The following GALNTL6 variants were observed in gnomAD, a reference collection of about 807,000 sequenced individuals.
The protein encoded by GALNTL6 is polypeptide N-acetylgalactosaminyltransferase-like 6.
A neutral mutation model predicts 73.7 loss-of-function variants in GALNTL6; 46 were observed. That is an observed-to-expected ratio of 0.62 (90% CI 0.49 to 0.80). GALNTL6 has a LOEUF of 0.80. GALNTL6 is among the 30% of genes least tolerant of loss of function. The probability of loss-of-function intolerance (pLI) is 0.00; values close to 1 mark genes in which losing one functional copy is unlikely to be tolerated. For missense variants in GALNTL6, 604 were observed against 755.0 expected (o/e 0.80, Z 2.34); for synonymous variants, 259 against 263.7 (o/e 0.98, Z 0.17).
At chr4:171,876,278 G>A (rs192928237) in intron 2 of GALNTL6, among the ~76,000 whole-genome samples, 149 of 152,128 alleles carry the variant, frequency 9.8e-4, no homozygotes, top group African/African-American at 3.2e-3. Flanking sequence ...AACAAATTGC[G>A]TACCAATTCT....
chr4:171,921,281 G>A (rs1217409502), intron 2 of GALNTL6, among the ~76,000 whole-genome samples: 3 of 151,930 alleles, frequency 2.0e-5, no homozygotes, highest in South Asian at 2.1e-4. Flanking sequence ...ACTATGTGTC[G>A]ACCATGTTTT....
At chr4:172,994,779 C>T (rs761157288) in intron 10 of GALNTL6, among the ~76,000 whole-genome samples, 1 of 152,104 alleles carries the variant, frequency 6.6e-6, no homozygotes, top group African/African-American at 2.4e-5. Flanking sequence ...ACTTGAAAAG[C>T]CCCATGGGTC....
At chr4:172,022,186 TC>T in intron 2 of GALNTL6, among the ~76,000 whole-genome samples, 1 of 152,152 alleles carries the variant, frequency 6.6e-6, no homozygotes, top group South Asian at 2.1e-4. Flanking sequence ...AAGGTACCTA[TC>T]TGACAAGAGA....
At chr4:172,607,852 T>C (rs1738365605) in intron 5 of GALNTL6, among the ~76,000 whole-genome samples, 1 of 152,172 alleles carries the variant, frequency 6.6e-6, no homozygotes, top group Non-Finnish European at 1.5e-5. Context: ...ATTAGTGATG[T>C]TGAGCATTTT....
chr4:172,888,674 T>C (rs1712434449), intron 8 of GALNTL6, among the ~76,000 whole-genome samples: 2 of 152,200 alleles, frequency 1.3e-5, no homozygotes, highest in African/African-American at 2.4e-5. Flanking sequence ...GTAGTACAGT[T>C]TGAATTTAGG....
chr4:172,085,458 C>T (rs143787615), intron 2 of GALNTL6, among the ~76,000 whole-genome samples: 2,276 of 151,932 alleles, frequency 0.015, 54 homozygotes, highest in African/African-American at 0.051. Flanking sequence ...GAGGCCAAGG[C>T]GGGAGGATCA....
rs115772445 is a variant in GALNTL6 at position 172,305,041 on chromosome 4, A to G, written c.248-6573A>G. On this transcript the variant is annotated intron_variant, in intron 3 of 12. Coordinates refer to ENST00000506823, the MANE Select transcript of GALNTL6 (RefSeq NM_001034845.3). ...AATTGCTGGTTTATAAGTTTTCCCT[A>G]TATCTTTTCAATTATAGAATATTTC... Among the ~76,000 whole-genome samples the G allele has an allele frequency of 7.6e-3, 1,154 of 152,218 alleles. 13 individuals carry two copies. The highest frequency in any genetic ancestry group is 0.026 in the African/African-American group (1,088 of 41,518).
At chr4:172,993,743 C>T (rs1408592910) in intron 10 of GALNTL6, among the ~76,000 whole-genome samples, 1 of 152,162 alleles carries the variant, frequency 6.6e-6, no homozygotes, top group African/African-American at 2.4e-5. Flanking sequence ...AATAATCTCA[C>T]TGTCTTCCCA....
intron 5 of GALNTL6, among the ~76,000 whole-genome samples, chr4:172,523,670 T>C (rs1734858381): frequency 6.6e-6 from 1 of 152,160 alleles, no homozygotes; most frequent in African/African-American, 2.4e-5. Context: ...TTGCCTGTTT[T>C]ATTGCATTAT....
intron 10 of GALNTL6, among the ~76,000 whole-genome samples, chr4:172,991,940 C>A (rs1751561049): frequency 6.6e-6 from 1 of 152,024 alleles, no homozygotes; most frequent in South Asian, 2.1e-4. Flanking sequence ...TAATTTTAGC[C>A]AATTTGCTCA....
In GALNTL6 at chr4:172,790,833, A is replaced by G. The variant is rs150005280; in HGVS notation, c.554-18528A>G. 8.1e-4 allele frequency among the ~76,000 whole-genome samples: 116 copies of G among 142,748 alleles called. 1 individual carries two copies. The South Asian group carries it at 0.017, about 21-fold the overall frequency. The allele number at this position is 142,748 out of a possible 152,430, so 93.6% of individuals were successfully genotyped here. A position where few individuals can be genotyped will look rare whatever the true frequency, so the allele number is the denominator to read the frequency against. On this transcript the variant is annotated intron_variant, in intron 5 of 12. Coordinates refer to ENST00000506823, the MANE Select transcript of GALNTL6 (RefSeq NM_001034845.3). ...GCTTGAACTGGGACCTGGGAGGCAG[A>G]GGTTGCAGTGAGCCAAGATCACACT...
At chr4:172,309,350 G>C (rs1740268516) in intron 3 of GALNTL6, among the ~76,000 whole-genome samples, 1 of 151,810 alleles carries the variant, frequency 6.6e-6, no homozygotes, top group Non-Finnish European at 1.5e-5. Flanking sequence ...AATACAAAAT[G>C]AATAACATGT....
At chr4:172,049,504 A>T (rs1730757080) in intron 2 of GALNTL6, among the ~76,000 whole-genome samples, 1 of 152,202 alleles carries the variant, frequency 6.6e-6, no homozygotes, top group Admixed American at 6.5e-5. Context: ...ATTATTAAAT[A>T]GAAAATGTAG....
chr4:172,101,234 C>T (rs1015043557), intron 2 of GALNTL6, among the ~76,000 whole-genome samples: 7 of 152,108 alleles, frequency 4.6e-5, no homozygotes, highest in African/African-American at 1.7e-4. Flanking sequence ...GGTTACCTTC[C>T]TCTAGGATCC....
At chr4:172,277,360 G>A (rs1417017453) in intron 3 of GALNTL6, among the ~76,000 whole-genome samples, 1 of 152,132 alleles carries the variant, frequency 6.6e-6, no homozygotes, top group African/African-American at 2.4e-5. Context: ...TGTGCCCGGA[G>A]CTGTCTTAAC....
At chr4:171,928,009 C>T (rs1382482142) in intron 2 of GALNTL6, among the ~76,000 whole-genome samples, 5 of 152,006 alleles carry the variant, frequency 3.3e-5, no homozygotes, top group African/African-American at 1.2e-4. Flanking sequence ...ATTGTATTCC[C>T]AGTATTAAAA....
At chr4:171,906,800 T>C (rs1237113459) in intron 2 of GALNTL6, among the ~76,000 whole-genome samples, 1 of 152,136 alleles carries the variant, frequency 6.6e-6, no homozygotes, top group African/African-American at 2.4e-5. Flanking sequence ...TCCACCATCA[T>C]CAAGTGGGCT....
At chr4:171,953,225 C>CGTGTGTGT (rs36214606) in intron 2 of GALNTL6, among the ~76,000 whole-genome samples, 1,794 of 147,106 alleles carry the variant, frequency 0.012, 14 homozygotes, top group East Asian at 0.026. Context: ...CGCATGCGCA[C>CGTGTGTGT]GTGTGTGTGT....
At chr4:172,342,272 A>G (rs1355372329) in intron 4 of GALNTL6, among the ~76,000 whole-genome samples, 2 of 151,970 alleles carry the variant, frequency 1.3e-5, no homozygotes, top group African/African-American at 2.4e-5. Flanking sequence ...TAATTAATTT[A>G]ATTAGTATAA....
Sources: gnomAD v4.1 joint callset for allele counts (sites outside exome capture counted in the v4.1 genomes callset) on GRCh38, gnomAD v4.1.1 for gene constraint, MANE v1.5 for transcripts, NCBI Gene and HGNC (gene_info 2026-07-23, HGNC 2026-07-21) for gene names.